Variants in ABI3BP observed in about 807,000 individuals in gnomAD.
ABI3BP encodes the protein ABI family member 3 binding protein.
A neutral mutation model predicts 268.6 loss-of-function variants in ABI3BP; 216 were observed. The observed-to-expected ratio is 0.80, with a 90% CI of 0.72 to 0.90. ABI3BP has a LOEUF of 0.90. Ranked by LOEUF, ABI3BP falls within the 40% of genes least tolerant of loss-of-function variation. The probability of loss-of-function intolerance (pLI) is 0.00; values close to 1 mark genes in which losing one functional copy is unlikely to be tolerated. For missense variants in ABI3BP, 2,090 were observed against 2,182.4 expected, an observed-to-expected ratio of 0.96 and a Z score of 0.84; for synonymous variants, 730 against 730.0, an observed-to-expected ratio of 1.00 and a Z score of 0.00.
At chr3:100,816,635 C>A (rs1045582559) in intron 43 of ABI3BP, 53 bp downstream of exon 43, 2 of 1,388,366 alleles carry the variant, frequency 1.4e-6, no homozygotes, top group Non-Finnish European at 2.0e-6. Context: ...ATTGGGACAG[C>A]CTGCCAGGGT....
At chr3:100,938,906 T>TTGG (rs1472500370) in intron 1 of ABI3BP, among the ~76,000 whole-genome samples, 3 of 152,012 alleles carry the variant, frequency 2.0e-5, no homozygotes, top group Non-Finnish European at 2.9e-5. Context: ...TTAAATTGCT[T>TTGG]TGGTGGTGGT....
At chr3:100,837,287 T>C (rs1464942914) in intron 26 of ABI3BP, 116 bp from the exon 27 acceptor site, 1 of 720,902 alleles carries the variant, frequency 1.4e-6, no homozygotes, top group Non-Finnish European at 2.1e-6. Flanking sequence ...TAAATTAATA[T>C]AAATTGCCTT....
intron 63 of ABI3BP, among the ~76,000 whole-genome samples, chr3:100,762,403 T>A (rs572224592): frequency 6.6e-6 from 1 of 152,354 alleles, no homozygotes. Context: ...AATAGTGTTA[T>A]TGTTTTTCCT....
chr3:100,810,470 C>T lies in ABI3BP; in HGVS notation c.3549G>A (p.Ser1183=), dbSNP rs1053187694. 44 of 1,534,540 alleles carry T rather than the reference C, an allele frequency of 2.9e-5. No individual in the cohort carries two copies. In the Middle Eastern group the frequency reaches 8.3e-4, roughly 29 times the overall value. ...SEPPETTLET[S]PLPSQSITLP... is the part of the protein sequence containing the mutation. ...GGGTTATAGATTGAGAAGGCAGAGG[C>T]GACGTTTCTATGGTAATTGAAGGAA... is the stretch of plus-strand genomic sequence containing the variant. The change falls in exon 49 of 68, where the codon TCG becomes TCA. Residue 1183 remains serine, a synonymous_variant. Coordinates refer to ENST00000471714, the MANE Select transcript of ABI3BP (RefSeq NM_001375547.2).
Position 100,801,117 on chromosome 3 carries a change from T to C in ABI3BP, c.3757+3675A>G, listed in dbSNP as rs143997252. On this transcript the variant is annotated intron_variant, in intron 51 of 67. Coordinates refer to ENST00000471714, the MANE Select transcript of ABI3BP (RefSeq NM_001375547.2). Reference sequence around the variant, plus strand: ...CAATCAATATTTGCTGAATTGAACATGCATTAGTGCATTTTTTTTTTTAGA... The same window carrying C: ...CAATCAATATTTGCTGAATTGAACACGCATTAGTGCATTTTTTTTTTTAGA... Among the ~76,000 whole-genome samples the C allele has an allele frequency of 1.5e-3, 233 of 152,216 alleles. 1 individual carries two copies. The highest frequency in any genetic ancestry group is 5.5e-3 in the African/African-American group (227 of 41,528).
At chr3:100,938,488 A>G (rs1250296175) in intron 1 of ABI3BP, among the ~76,000 whole-genome samples, 1 of 152,096 alleles carries the variant, frequency 6.6e-6, no homozygotes, top group Non-Finnish European at 1.5e-5. Context: ...TTTCCCTGTG[A>G]CAATGAAGAA....
chr3:100,904,885 A>T (rs1394372584), intron 2 of ABI3BP, among the ~76,000 whole-genome samples: 1 of 152,218 alleles, frequency 6.6e-6, no homozygotes, highest in Non-Finnish European at 1.5e-5. Context: ...TAGAAATACC[A>T]TTTGATCCAG....
At chr3:100,848,724 G>T in intron 18 of ABI3BP, 77 bp downstream of exon 18, 2 of 1,435,530 alleles carry the variant, frequency 1.4e-6, no homozygotes, top group South Asian at 1.2e-5. Context: ...ACTGCACCTG[G>T]CTATCCTTCT....
intron 63 of ABI3BP, among the ~76,000 whole-genome samples, chr3:100,759,500 CAT>C (rs1317169554): frequency 2.0e-5 from 3 of 152,098 alleles, no homozygotes; most frequent in African/African-American, 7.2e-5. Flanking sequence ...GTCGTGGGGT[CAT>C]AAACTAGCTG....
At chr3:100,933,782 T>G (rs1181187240) in intron 1 of ABI3BP, among the ~76,000 whole-genome samples, 1 of 151,734 alleles carries the variant, frequency 6.6e-6, no homozygotes, top group Admixed American at 6.6e-5. Context: ...AAGAAGCACA[T>G]GAAAAAATGC....
At chr3:100,884,460 T>A (rs1330426524) in intron 6 of ABI3BP, among the ~76,000 whole-genome samples, 1 of 152,150 alleles carries the variant, frequency 6.6e-6, no homozygotes, top group East Asian at 1.9e-4. Flanking sequence ...ACATTTGCCT[T>A]AGGCAGATTA....
intron 61 of ABI3BP, among the ~76,000 whole-genome samples, chr3:100,772,361 T>G (rs1265391015): frequency 6.6e-6 from 1 of 152,158 alleles, no homozygotes; most frequent in Admixed American, 6.5e-5. Context: ...TTCTTATTAT[T>G]TATCTCTAAA....
intron 27 of ABI3BP, 133 bp from the exon 28 acceptor site, chr3:100,835,793 T>TCC: frequency 1.3e-6 from 1 of 745,900 alleles, no homozygotes; most frequent in Non-Finnish European, 2.1e-6. Flanking sequence ...GTATTTGTTT[T>TCC]CCCCTAAGTA....
intron 2 of ABI3BP, among the ~76,000 whole-genome samples, chr3:100,908,873 C>T (rs1260906132): frequency 6.6e-6 from 1 of 152,182 alleles, no homozygotes; most frequent in Admixed American, 6.5e-5. Context: ...GATCAAACTA[C>T]CATTGACTTT....
chr3:100,934,324 A>G (rs1018635806), intron 1 of ABI3BP, among the ~76,000 whole-genome samples: 1 of 152,078 alleles, frequency 6.6e-6, no homozygotes, highest in African/African-American at 2.4e-5. Flanking sequence ...ATCCTTTTTT[A>G]TGGCTGCATA....
chr3:100,749,767 A>G lies in ABI3BP; in HGVS notation c.*728T>C. 1 of 398,280 alleles carries G rather than the reference A, an allele frequency of 2.5e-6. No individual in the cohort carries two copies. The highest frequency in any genetic ancestry group is 3.6e-5 in the East Asian group (1 of 27,958). 24.7% of individuals were successfully genotyped at this position (398,280 alleles called of 1,614,324 possible). ...CGATTGCATAAAGGGATAGTTTGAC[A>G]AAGCATATTCAGATATTGTAACATT... is the stretch of plus-strand genomic sequence containing the variant. On this transcript the variant is annotated 3_prime_UTR_variant, in exon 68 of 68. Coordinates refer to ENST00000471714, the MANE Select transcript of ABI3BP (RefSeq NM_001375547.2).
intron 4 of ABI3BP, among the ~76,000 whole-genome samples, chr3:100,888,821 A>AT (rs1000109745): frequency 3.3e-5 from 5 of 149,972 alleles, no homozygotes; most frequent in African/African-American, 7.4e-5. Flanking sequence ...TAGCACTATC[A>AT]TTTTTTTTCA....
chr3:100,765,040 G>C (rs916456470), intron 63 of ABI3BP, among the ~76,000 whole-genome samples: 5 of 150,996 alleles, frequency 3.3e-5, no homozygotes, highest in African/African-American at 1.2e-4. Context: ...GCCAAAATAG[G>C]CTCTTTTGAG....
At chr3:100,807,450 C>T (rs956240071) in intron 50 of ABI3BP, among the ~76,000 whole-genome samples, 6 of 151,818 alleles carry the variant, frequency 4.0e-5, no homozygotes, top group African/African-American at 9.7e-5. Flanking sequence ...GTAATTAGAA[C>T]ATATTTAAAA....
Sources: gnomAD v4.1 joint callset for allele counts (sites outside exome capture counted in the v4.1 genomes callset) on GRCh38, gnomAD v4.1.1 for gene constraint, MANE v1.5 for transcripts, NCBI Gene and HGNC (gene_info 2026-07-23, HGNC 2026-07-21) for gene names.